The following PDE5A variants were observed in gnomAD, a reference collection of about 807,000 sequenced individuals.
The protein encoded by PDE5A is cGMP-specific 3',5'-cyclic phosphodiesterase.
Under a neutral mutation model 110.2 loss-of-function variants are expected in PDE5A, and 67 were observed. That is an observed-to-expected ratio of 0.61 (90% CI 0.50 to 0.75). The LOEUF (loss-of-function observed/expected upper bound fraction) is 0.75, where lower values mean the gene tolerates loss of function less well. Ranked by LOEUF, PDE5A falls within the 30% of genes least tolerant of loss-of-function variation. PDE5A has a pLI of 0.00. For synonymous variants in PDE5A, 328 were observed against 351.2 expected, an observed-to-expected ratio of 0.93 and a Z score of 0.74; for missense variants, 862 against 1,045.1, an observed-to-expected ratio of 0.82 and a Z score of 2.42.
chr4:119,594,034 A>G (rs890126514), intron 3 of PDE5A, among the ~76,000 whole-genome samples: 5 of 152,148 alleles, frequency 3.3e-5, no homozygotes, highest in African/African-American at 1.2e-4. Flanking sequence ...CCCGCCCTTG[A>G]TACGTAGGGA....
chr4:119,592,456 TAAAAAAAAAAAAAAAAAA>T (rs55997249), intron 3 of PDE5A, among the ~76,000 whole-genome samples: 1 of 66,176 alleles, frequency 1.5e-5, no homozygotes, highest in African/African-American at 6.5e-5. Flanking sequence ...AGACTCTGTT[TAAAAAAAAAAAAAAAAAA>T]AAAAAAAAAA....
intron 19 of PDE5A, among the ~76,000 whole-genome samples, chr4:119,502,202 G>A (rs1237661515): frequency 1.3e-5 from 2 of 152,054 alleles, no homozygotes; most frequent in African/African-American, 2.4e-5. Context: ...GTTTATCACA[G>A]TGCTGTTTGT....
At chr4:119,611,650 C>T (rs542579121) in intron 1 of PDE5A, among the ~76,000 whole-genome samples, 1 of 152,280 alleles carries the variant, frequency 6.6e-6, no homozygotes, top group Admixed American at 6.5e-5. Flanking sequence ...ATAAATGTTG[C>T]TTACGGATAT....
At chr4:119,588,998 T>C (rs1372141076) in intron 3 of PDE5A, among the ~76,000 whole-genome samples, 2 of 152,120 alleles carry the variant, frequency 1.3e-5, no homozygotes, top group East Asian at 3.9e-4. Flanking sequence ...AGGAAAGAGC[T>C]CTGATTCCAA....
In PDE5A at chr4:119,494,474, A is replaced by C. The variant is rs1343931965; in HGVS notation, c.*4127T>G. 6.6e-6 allele frequency: 1 copy of C among 152,500 alleles called. No individual in the cohort carries two copies. The highest frequency in any genetic ancestry group is 2.4e-5 in the African/African-American group (1 of 41,470). The allele number at this position is 152,500 out of a possible 1,614,324, so 9.4% of individuals were successfully genotyped here. ...AACCACTGACAGGTGAAGAATTTGC[A>C]CAATGGAAAACCACCTTGACCATCT... On this transcript the variant is annotated 3_prime_UTR_variant, in exon 21 of 21. Coordinates refer to ENST00000354960, the MANE Select transcript of PDE5A (RefSeq NM_001083.4).
chr4:119,623,564 G>A (rs574018546), intron 1 of PDE5A, among the ~76,000 whole-genome samples: 46 of 152,280 alleles, frequency 3.0e-4, no homozygotes, highest in African/African-American at 1.1e-3. Context: ...AGATAAGGGC[G>A]AAGCTACAAG....
At chr4:119,522,756 G>T (rs1008713711) in intron 12 of PDE5A, among the ~76,000 whole-genome samples, 1 of 151,964 alleles carries the variant, frequency 6.6e-6, no homozygotes, top group Non-Finnish European at 1.5e-5. Context: ...CAGCATACAA[G>T]AAAATTATGG....
At chr4:119,540,162 A>G (rs1411101318) in intron 10 of PDE5A, among the ~76,000 whole-genome samples, 1 of 152,118 alleles carries the variant, frequency 6.6e-6, no homozygotes, top group African/African-American at 2.4e-5. Flanking sequence ...ACACAGATTT[A>G]CAAAAAAAAC....
At chr4:119,545,567 TTA>T in intron 9 of PDE5A, among the ~76,000 whole-genome samples, 1 of 152,300 alleles carries the variant, frequency 6.6e-6, no homozygotes, top group Middle Eastern at 3.4e-3. Context: ...TTACCTAATA[TTA>T]TTATAGAGTT....
chr4:119,517,372 A>G (rs1226802335), intron 14 of PDE5A, among the ~76,000 whole-genome samples: 1 of 151,868 alleles, frequency 6.6e-6, no homozygotes, highest in Admixed American at 6.6e-5. Context: ...AGAAAATTCT[A>G]CTTTAAGTAT....
chr4:119,548,559 T>C (rs990488364), intron 9 of PDE5A: 10 of 152,206 alleles, frequency 6.6e-5, no homozygotes, highest in Middle Eastern at 3.2e-3. Flanking sequence ...ATAAAATGTG[T>C]CTTTACAAAT....
At chr4:119,567,827 G>C (rs904575786) in intron 3 of PDE5A, among the ~76,000 whole-genome samples, 10 of 152,210 alleles carry the variant, frequency 6.6e-5, no homozygotes, top group African/African-American at 2.2e-4. Flanking sequence ...TTCATTTTGA[G>C]TTATTACCTT....
intron 1 of PDE5A, among the ~76,000 whole-genome samples, chr4:119,615,866 A>G (rs1460852044): frequency 6.6e-6 from 1 of 152,180 alleles, no homozygotes; most frequent in African/African-American, 2.4e-5. Flanking sequence ...GCTATTAATG[A>G]AAGACAACAG....
At chr4:119,577,535 T>A (rs906912757) in intron 3 of PDE5A, among the ~76,000 whole-genome samples, 5 of 152,046 alleles carry the variant, frequency 3.3e-5, no homozygotes, top group Admixed American at 3.3e-4. Flanking sequence ...GTTCAACATA[T>A]GCAAATCAAT....
chr4:119,552,709 A>G, intron 8 of PDE5A, 72 bp from the exon 9 acceptor site: 1 of 753,530 alleles, frequency 1.3e-6, no homozygotes, highest in Non-Finnish European at 2.1e-6. Context: ...ATGCCATATA[A>G]ACTATATGAC....
intron 13 of PDE5A, 134 bp downstream of exon 13, chr4:119,520,801 A>C (rs1406580932): frequency 6.9e-6 from 5 of 726,268 alleles, no homozygotes; most frequent in Non-Finnish European, 1.1e-5. Context: ...AACGAAATAT[A>C]ACTTATTATG....
intron 12 of PDE5A, among the ~76,000 whole-genome samples, chr4:119,521,432 T>C (rs548278955): frequency 6.6e-6 from 1 of 151,180 alleles, no homozygotes; most frequent in South Asian, 2.1e-4. Context: ...TGTCACCAAC[T>C]AGGAGAGTCC....
intron 7 of PDE5A, among the ~76,000 whole-genome samples, chr4:119,556,619 A>G (rs1727550102): frequency 6.6e-6 from 1 of 152,202 alleles, no homozygotes. Flanking sequence ...CGGTGTAACA[A>G]TGCAAGCACC....
rs1339158585 is a variant in PDE5A at position 119,607,073 on chromosome 4, G to C, written c.377C>G (p.Ser126Cys). The C allele has an allele frequency of 6.8e-6, 11 of 1,614,036 alleles. No homozygotes were observed. Among genetic ancestry groups the C allele is most frequent in the Admixed American group, 6.7e-5 (4 of 60,000 alleles). The change falls in exon 2 of 21, where the codon TCT (serine) becomes TGT (cysteine). Residue 126 changes from serine to cysteine, a missense_variant. Coordinates refer to ENST00000354960, the MANE Select transcript of PDE5A (RefSeq NM_001083.4). ...CATCTGTTCCTTCTTTTCTGAGTCA[G>C]AGAGGAAGCTCACAGTTCCCTCAGA... is the stretch of plus-strand genomic sequence containing the variant. ...KDSEGTVSFLSDSEKKEQMPL... is the reference protein window; with the variant it reads ...KDSEGTVSFLCDSEKKEQMPL...
Sources: allele counts gnomAD v4.1 joint callset (sites outside exome capture counted in the v4.1 genomes callset), GRCh38; gene constraint gnomAD v4.1.1; transcripts MANE v1.5; gene names NCBI Gene and HGNC (gene_info 2026-07-23, HGNC 2026-07-21).